Variants in BCAS4 observed in about 807,000 individuals in gnomAD.
BCAS4 encodes the protein breast carcinoma-amplified sequence 4.
In BCAS4, 9 loss-of-function variants were observed where a neutral mutation model predicts 15.7. The observed-to-expected ratio is 0.57, with a 90% CI of 0.34 to 1.00. The LOEUF is 1.00. Among genes scored for constraint, BCAS4 ranks in the 50% least tolerant of loss-of-function variants. The probability of loss-of-function intolerance (pLI) is 0.02; values close to 1 mark genes in which losing one functional copy is unlikely to be tolerated. For missense variants in BCAS4, 225 were observed against 239.1 expected (o/e 0.94, Z 0.39); for synonymous variants, 101 against 99.5 (o/e 1.02, Z -0.09).
At position 50,860,994 on chromosome 20, in the gene BCAS4, C is replaced by T. The variant is rs149226427; in HGVS notation, c.400-15492C>T. 2.0e-5 allele frequency among the ~76,000 whole-genome samples: 3 copies of T among 147,606 alleles called. No individual in the cohort carries two copies. The South Asian group carries it at 6.5e-4, about 32-fold the overall frequency. ...TGGGTGACAGAGCAAGACCCGGTCTCTGGAAAAAAAAAAAAAAAAGTCTGG... is the reference window on the plus strand; with the variant it reads ...TGGGTGACAGAGCAAGACCCGGTCTTTGGAAAAAAAAAAAAAAAAGTCTGG... On this transcript the variant is annotated intron_variant, in intron 4 of 4. Transcript: ENST00000371608.
intron 1 of BCAS4, among the ~76,000 whole-genome samples, chr20:50,800,502 C>T (rs1246981487): frequency 1.3e-5 from 2 of 151,166 alleles, no homozygotes; most frequent in Non-Finnish European, 2.9e-5. Flanking sequence ...GTTTCCAGGG[C>T]CTCGGGTTTT....
At chr20:50,828,645 G>C (rs917808644) in intron 2 of BCAS4, among the ~76,000 whole-genome samples, 2 of 152,098 alleles carry the variant, frequency 1.3e-5, no homozygotes, top group African/African-American at 4.8e-5. Context: ...CAGGCATGGT[G>C]GTGCGTGCCT....
chr20:50,798,519 AAAAAAT>A (rs992466127), intron 1 of BCAS4, among the ~76,000 whole-genome samples: 36 of 152,280 alleles, frequency 2.4e-4, no homozygotes, highest in African/African-American at 8.2e-4. Flanking sequence ...CTAGTTAATA[AAAAAAT>A]AAAAATAAAA....
chr20:50,820,920 T>C (rs1350555041), intron 2 of BCAS4, among the ~76,000 whole-genome samples: 1 of 152,154 alleles, frequency 6.6e-6, no homozygotes, highest in Non-Finnish European at 1.5e-5. Flanking sequence ...AAGCAGGCAT[T>C]AGCTTGTGAC....
intron 2 of BCAS4, among the ~76,000 whole-genome samples, chr20:50,820,054 GCTGGT>G (rs11470275): frequency 0.2 from 29,891 of 151,956 alleles, 3,683 homozygotes; most frequent in African/African-American, 0.36. Flanking sequence ...TGTTGACCAG[GCTGGT>G]CTTGAACTGC....
chr20:50,845,557 G>A (rs1266890421), intron 4 of BCAS4, among the ~76,000 whole-genome samples: 1 of 152,146 alleles, frequency 6.6e-6, no homozygotes, highest in Non-Finnish European at 1.5e-5. Flanking sequence ...CCAGGCAGCC[G>A]GGGGCTCGGA....
intron 4 of BCAS4, among the ~76,000 whole-genome samples, chr20:50,854,446 C>T (rs1358765225): frequency 4.6e-5 from 7 of 152,114 alleles, no homozygotes; most frequent in East Asian, 1.9e-4. Flanking sequence ...GGCACCCGGA[C>T]GCTCTGCGCT....
rs1018085456 is a variant in BCAS4, at chr20:50,851,307, C to T, written c.399+9407C>T. On this transcript the variant is annotated intron_variant, in intron 4 of 4. Coordinates refer to ENST00000371608, the MANE Select transcript of BCAS4 (RefSeq NM_198799.4). This position sits in a 1 kb window ranked among gnomAD's most constrained non-coding sequence, Gnocchi z 4.3. Reference sequence around the variant, plus strand: ...GAGCAGATAGCAAATATGAGGACCACGACTGTGGAGGGCCGAGGGGTGCCG... The same window carrying T: ...GAGCAGATAGCAAATATGAGGACCATGACTGTGGAGGGCCGAGGGGTGCCG... Among the ~76,000 whole-genome samples the T allele has an allele frequency of 9.2e-5, 14 of 152,276 alleles. No homozygotes were observed. Among genetic ancestry groups the T allele is most frequent in the South Asian group, 2.1e-4 (1 of 4,832 alleles).
intron 4 of BCAS4, among the ~76,000 whole-genome samples, chr20:50,873,823 C>T (rs189845322): frequency 3.9e-4 from 59 of 152,334 alleles, no homozygotes; most frequent in Middle Eastern, 6.8e-3. Flanking sequence ...CACAACGTTC[C>T]ATTCGCCGTG....
chr20:50,819,062 A>G (rs552321515), intron 2 of BCAS4, among the ~76,000 whole-genome samples: 2 of 152,146 alleles, frequency 1.3e-5, no homozygotes, highest in African/African-American at 2.4e-5. Context: ...AGGCGCCTGT[A>G]ATCTTAGCTA....
chr20:50,857,906 T>C (rs1243626463), intron 4 of BCAS4, among the ~76,000 whole-genome samples: 12 of 152,148 alleles, frequency 7.9e-5, no homozygotes, highest in Admixed American at 5.9e-4. Flanking sequence ...TTCTCCTCTT[T>C]CCCTCTGTCT....
chr20:50,842,119 G>C (rs960698031), intron 4 of BCAS4, among the ~76,000 whole-genome samples: 1 of 152,180 alleles, frequency 6.6e-6, no homozygotes, highest in Non-Finnish European at 1.5e-5. Context: ...TTTATTGGGC[G>C]CCTACTGTTT....
chr20:50,841,730 A>G, intron 3 of BCAS4, 36 bp from the exon 4 acceptor site: 1 of 1,613,700 alleles, frequency 6.2e-7, no homozygotes, highest in South Asian at 1.1e-5. Flanking sequence ...TCCAGCCTGC[A>G]CAGATGCGGC....
In BCAS4 at chr20:50,796,214, C is replaced by G. The variant is rs150534005; in HGVS notation, c.90+1041C>G. ...CCTGACCAACATGGTGAAACCCCGTCTCTACTAAAAATACAAAAATTAGCC... is the reference window on the plus strand; with the variant it reads ...CCTGACCAACATGGTGAAACCCCGTGTCTACTAAAAATACAAAAATTAGCC... On this transcript the variant is annotated intron_variant, in intron 1 of 4. Transcript: ENST00000371608. 8.3e-3 allele frequency among the ~76,000 whole-genome samples: 1,239 copies of G among 149,878 alleles called. 10 individuals are homozygous for G. Among genetic ancestry groups the G allele is most frequent in the Non-Finnish European group, 0.014 (918 of 67,576 alleles).
At chr20:50,804,316 G>T (rs551756069) in intron 1 of BCAS4, among the ~76,000 whole-genome samples, 4 of 152,280 alleles carry the variant, frequency 2.6e-5, no homozygotes, top group African/African-American at 7.2e-5. Flanking sequence ...TGGGATTATA[G>T]GTATGAGCCA....
chr20:50,862,103 A>G lies in BCAS4; in HGVS notation c.400-14383A>G, dbSNP rs1292887118. ...ATTCTTGAATTCCTGAGCTTAAGCT[A>G]TCCTCCCGCCTTGGCCTCTCTCTCT... On this transcript the variant is annotated intron_variant, in intron 4 of 4. Transcript: ENST00000371608. 8.6e-5 allele frequency among the ~76,000 whole-genome samples: 13 copies of G among 151,768 alleles called. No individual in the cohort carries two copies. The East Asian group carries it at 1.9e-3, about 23-fold the overall frequency.
intron 1 of BCAS4, among the ~76,000 whole-genome samples, chr20:50,811,411 T>A (rs2123762557): frequency 6.6e-6 from 1 of 152,298 alleles, no homozygotes; most frequent in Non-Finnish European, 1.5e-5. Context: ...TGTATGATTT[T>A]AAAGTATATA....
intron 3 of BCAS4, among the ~76,000 whole-genome samples, 157 bp from the exon 4 acceptor site, chr20:50,841,609 C>T (rs1027291475): frequency 6.6e-6 from 1 of 152,182 alleles, no homozygotes; most frequent in African/African-American, 2.4e-5. Flanking sequence ...GGTGCCCCTC[C>T]AGCTAAGCAG....
At chr20:50,846,147 G>T (rs1763448102) in intron 4 of BCAS4, among the ~76,000 whole-genome samples, 2 of 152,240 alleles carry the variant, frequency 1.3e-5, no homozygotes, top group African/African-American at 4.8e-5. Flanking sequence ...TACAACACAT[G>T]TATTTCATGG....
Sources: allele counts gnomAD v4.1 joint callset (sites outside exome capture counted in the v4.1 genomes callset), GRCh38; gene constraint gnomAD v4.1.1; non-coding constraint Gnocchi (gnomAD v3.1); transcripts MANE v1.5; gene names NCBI Gene and HGNC (gene_info 2026-07-23, HGNC 2026-07-21).